The following ZNF536 variants were observed in gnomAD, a reference collection of about 807,000 sequenced individuals.
ZNF536 encodes zinc finger protein 536.
ZNF536 carries 13 observed loss-of-function variants against 84.5 expected under a neutral mutation model. That is an observed-to-expected ratio of 0.15 (90% confidence interval 0.10 to 0.24). The LOEUF is 0.24. Ranked by LOEUF, ZNF536 falls within the 10% of genes least tolerant of loss-of-function variation. ZNF536 has a pLI of 1.00. For missense variants in ZNF536, 1,536 were observed against 1,747.5 expected (o/e 0.88, Z 2.16); for synonymous variants, 811 against 742.5 (o/e 1.09, Z -1.50).
At chr19:30,600,598 T>C (rs1273589202) in intron 1 of ZNF536, among the ~76,000 whole-genome samples, 1 of 152,120 alleles carries the variant, frequency 6.6e-6, no homozygotes, top group Admixed American at 6.6e-5. Context: ...TGCCATGCAT[T>C]TGAGGGAGGA....
intron 1 of ZNF536, among the ~76,000 whole-genome samples, chr19:30,247,050 C>T (rs766630866): frequency 8.5e-5 from 13 of 152,184 alleles, no homozygotes; most frequent in Admixed American, 5.9e-4. Context: ...TCCAGCTTTC[C>T]GCTGGGGTTT....
At chr19:30,439,965 T>TC (rs1032132698) in intron 1 of ZNF536, among the ~76,000 whole-genome samples, 19 of 125,694 alleles carry the variant, frequency 1.5e-4, no homozygotes, top group African/African-American at 4.5e-4. Flanking sequence ...CTTTCTTTTT[T>TC]TTTTTTTTTT....
chr19:30,418,060 G>A (rs2050806380), intron 1 of ZNF536, among the ~76,000 whole-genome samples: 1 of 151,764 alleles, frequency 6.6e-6, no homozygotes, highest in Non-Finnish European at 1.5e-5. Context: ...GGGTTGTTTT[G>A]ATATAAGTAT....
At chr19:30,349,669 T>C (rs1325264397) in intron 2 of ZNF536, among the ~76,000 whole-genome samples, 2 of 151,972 alleles carry the variant, frequency 1.3e-5, no homozygotes, top group Non-Finnish European at 2.9e-5. Context: ...CTGTGCTTTA[T>C]CCACCTCAGC....
At chr19:30,426,273 C>T (rs1191360386) in intron 1 of ZNF536, among the ~76,000 whole-genome samples, 1 of 152,180 alleles carries the variant, frequency 6.6e-6, no homozygotes, top group African/African-American at 2.4e-5. Flanking sequence ...TGGAAAAGAA[C>T]TCTATTCCTT....
At chr19:30,518,089 A>G (rs964973416) in intron 2 of ZNF536, among the ~76,000 whole-genome samples, 2 of 151,972 alleles carry the variant, frequency 1.3e-5, no homozygotes, top group African/African-American at 4.8e-5. Context: ...CATGCCAGTG[A>G]CCAGATCAGC....
At chr19:30,473,620 C>T (rs1599496085) in intron 2 of ZNF536, among the ~76,000 whole-genome samples, 1 of 152,324 alleles carries the variant, frequency 6.6e-6, no homozygotes, top group Non-Finnish European at 1.5e-5. Flanking sequence ...GCCTCCAGGC[C>T]TTTACACATG....
chr19:30,703,674 T>G (rs544211292), intron 1 of ZNF536, among the ~76,000 whole-genome samples: 1 of 152,142 alleles, frequency 6.6e-6, no homozygotes, highest in Admixed American at 6.5e-5. Context: ...GTCAGTACTT[T>G]CGATGAAGAA....
At chr19:30,609,943 C>A (rs1387366828) in intron 1 of ZNF536, among the ~76,000 whole-genome samples, 2 of 146,978 alleles carry the variant, frequency 1.4e-5, no homozygotes, top group African/African-American at 5.0e-5. Context: ...TCCATCCATG[C>A]ATCCATCCAT....
intron 2 of ZNF536, among the ~76,000 whole-genome samples, chr19:30,461,088 C>T (rs1013634587): frequency 5.3e-5 from 8 of 152,108 alleles, no homozygotes; most frequent in Admixed American, 5.2e-4. Flanking sequence ...GCATGGGCTC[C>T]CATTTCCCTG....
At chr19:30,425,809 C>T (rs939363565) in intron 1 of ZNF536, among the ~76,000 whole-genome samples, 6 of 152,212 alleles carry the variant, frequency 3.9e-5, no homozygotes, top group Non-Finnish European at 8.8e-5. Context: ...CTACATCTCA[C>T]CCAAGCTGCA....
intron 1 of ZNF536, among the ~76,000 whole-genome samples, chr19:30,601,372 C>T (rs1041827084): frequency 2.0e-5 from 3 of 152,146 alleles, no homozygotes; most frequent in Non-Finnish European, 2.9e-5. Context: ...AGTCCGTGTT[C>T]GTGAGTCACG....
intron 1 of ZNF536, among the ~76,000 whole-genome samples, chr19:30,704,504 G>T (rs535589380): frequency 6.6e-6 from 1 of 151,918 alleles, no homozygotes; most frequent in Non-Finnish European, 1.5e-5. Flanking sequence ...AAAATTACCC[G>T]GGCATGGTAG....
intron 2 of ZNF536, among the ~76,000 whole-genome samples, chr19:30,517,894 T>A (rs545587670): frequency 6.6e-6 from 1 of 152,274 alleles, no homozygotes; most frequent in East Asian, 1.9e-4. Flanking sequence ...CCCCATTCCA[T>A]GATTTGGGGG....
intron 2 of ZNF536, among the ~76,000 whole-genome samples, chr19:30,492,749 G>A (rs2054558171): frequency 6.6e-6 from 1 of 152,132 alleles, no homozygotes; most frequent in African/African-American, 2.4e-5. Context: ...GGTCTGCAGC[G>A]GGATAGATAG....
intron 2 of ZNF536, among the ~76,000 whole-genome samples, chr19:30,460,847 G>A (rs1447336746): frequency 6.6e-6 from 1 of 152,136 alleles, no homozygotes; most frequent in African/African-American, 2.4e-5. Context: ...CAGGGATTGC[G>A]ACTCAGGGTG....
chr19:30,574,925 T>C (rs921008797), intron 1 of ZNF536, among the ~76,000 whole-genome samples: 1 of 152,238 alleles, frequency 6.6e-6, no homozygotes, highest in Non-Finnish European at 1.5e-5. Flanking sequence ...TTTAGTCTAG[T>C]GCAGCCATGC....
chr19:30,416,259 AT>A, intron 1 of ZNF536, among the ~76,000 whole-genome samples: 1 of 145,312 alleles, frequency 6.9e-6, no homozygotes, highest in East Asian at 2.0e-4. Context: ...ACTAGTTAGA[AT>A]TTTTTATTAA....
At chr19:30,347,042 G>T (rs1311761947) in intron 2 of ZNF536, among the ~76,000 whole-genome samples, 1 of 151,416 alleles carries the variant, frequency 6.6e-6, no homozygotes, top group African/African-American at 2.4e-5. Context: ...ATTCTGATTG[G>T]TGTGAGATGG....
Sources: gnomAD v4.1 joint callset for allele counts (sites outside exome capture counted in the v4.1 genomes callset) on GRCh38, gnomAD v4.1.1 for gene constraint, MANE v1.5 for transcripts, NCBI Gene and HGNC (gene_info 2026-07-23, HGNC 2026-07-21) for gene names.